Variants in ZNF530 observed in about 807,000 individuals in gnomAD.
ZNF530 encodes the protein zinc finger protein 530.
A neutral mutation model predicts 2.8 loss-of-function variants in ZNF530; 5 were observed. The ratio of observed to expected loss-of-function variants is 1.80; its 90% CI spans 0.94 to 3.78. The LOEUF (loss-of-function observed/expected upper bound fraction) is 3.78, where lower values mean the gene tolerates loss of function less well. Among genes scored for constraint, ZNF530 ranks in the 30% most tolerant of loss-of-function variants. The pLI is 0.00. For synonymous variants in ZNF530, 229 were observed against 235.0 expected (o/e 0.97, Z 0.23); for missense variants, 619 against 673.3 (o/e 0.92, Z 0.89).
At chr19:57,604,086 C>G (rs1287693957) in intron 2 of ZNF530, among the ~76,000 whole-genome samples, 191 bp from the exon 3 acceptor site, 1 of 152,100 alleles carries the variant, frequency 6.6e-6, no homozygotes, top group Non-Finnish European at 1.5e-5. Flanking sequence ...GTCCACCTGC[C>G]TGTTGTTGCT....
rs576148407 is a variant in ZNF530, at chr19:57,609,496, A to G, written c.*2171A>G. Among the ~76,000 whole-genome samples the G allele has an allele frequency of 6.6e-6, 1 of 152,314 alleles. No individual in the cohort carries two copies. Among genetic ancestry groups the G allele is most frequent in the East Asian group, 1.9e-4 (1 of 5,186 alleles). On this transcript the variant is annotated 3_prime_UTR_variant, in exon 4 of 4. Coordinates refer to ENST00000597700, the MANE Select transcript of ZNF530 (RefSeq NM_001321981.2). ...AAAAATTGTAAAAGTAAAAAGTAAA[A>G]GTAAAAGCTGGGTGTGGTGGCAGGC...
At chr19:57,610,268 A>G (rs1173898230), downstream of ZNF530, among the ~76,000 whole-genome samples, 2 of 152,100 alleles carry the variant, frequency 1.3e-5, no homozygotes, top group African/African-American at 4.8e-5. Context: ...ATTTTCTGGA[A>G]TTTTATTTTA....
chr19:57,611,821 G>A (rs1252703135), downstream of ZNF530, among the ~76,000 whole-genome samples: 11 of 152,058 alleles, frequency 7.2e-5, no homozygotes, highest in Non-Finnish European at 1.6e-4. Context: ...ATGATTGCCT[G>A]TCCTTGACTC....
At chr19:57,600,880 C>T (rs373689830) in intron 2 of ZNF530, 101 bp downstream of exon 2, 7 of 152,334 alleles carry the variant, frequency 4.6e-5, no homozygotes, top group Admixed American at 2.6e-4. Flanking sequence ...TTTTCCAGGC[C>T]TTGAGCCTAG....
At position 57,606,494 on chromosome 19, in the gene ZNF530, T is replaced by G. The variant is rs141182667; in HGVS notation, c.870T>G (p.Tyr290Ter). The change falls in exon 4 of 4, where the codon TAT becomes TAG. Residue 290 changes from tyrosine (Y) to a stop codon, truncating the protein, a stop_gained. Transcript: ENST00000597700. LOFTEE classifies it low-confidence loss of function (END_TRUNC). ...HQRVHTGERPYECSECGKSFS... is the reference protein window; with the variant it reads ...HQRVHTGERP ...GAGTTCACACTGGAGAAAGGCCTTA[T>G]GAGTGCAGTGAATGTGGGAAATCTT... 4 of 1,613,790 alleles carry G rather than the reference T, an allele frequency of 2.5e-6. No homozygotes were observed. In the African/African-American group the frequency reaches 4.0e-5, roughly 16 times the overall value.
At position 57,609,661 on chromosome 19, in the gene ZNF530, C is replaced by T. The variant is rs994827097; in HGVS notation, c.*2336C>T. Among the ~76,000 whole-genome samples the T allele has an allele frequency of 6.6e-6, 1 of 152,144 alleles. No individual in the cohort carries two copies. The highest frequency in any genetic ancestry group is 1.5e-5 in the Non-Finnish European group (1 of 68,032). On this transcript the variant is annotated 3_prime_UTR_variant, in exon 4 of 4. Transcript: ENST00000597700. The stretch of plus-strand genomic sequence containing the variant: ...AAAAAAAAAGTATCCACAAATGTTC[C>T]AGTGACTATGACTGCAAGATCACTG...
In ZNF530 at chr19:57,607,488, G is replaced by T; in HGVS notation, c.*163G>T. On this transcript the variant is annotated 3_prime_UTR_variant, in exon 4 of 4. Transcript: ENST00000597700. Reference sequence around the variant, plus strand: ...GCCTCCTGAGTACCTGAGATTACAGGCACCCACCACCATGCCCAGCTAATT... The same window carrying T: ...GCCTCCTGAGTACCTGAGATTACAGTCACCCACCACCATGCCCAGCTAATT... The T allele has an allele frequency of 1.5e-6, 1 of 685,426 alleles. No individual in the cohort carries two copies. The highest frequency in any genetic ancestry group is 2.4e-6 in the Non-Finnish European group (1 of 420,118). 42.5% of individuals were successfully genotyped at this position (685,426 alleles called of 1,614,324 possible).
In ZNF530 at chr19:57,606,507, T is replaced by G. The variant is rs760401085; in HGVS notation, c.883T>G (p.Cys295Gly). 1 of 1,614,124 alleles carries G rather than the reference T, an allele frequency of 6.2e-7. No homozygotes were observed. Among genetic ancestry groups the G allele is most frequent in the Non-Finnish European group, 8.5e-7 (1 of 1,180,032 alleles). The change falls in exon 4 of 4, where the codon TGT becomes GGT. Residue 295 changes from cysteine (C) to glycine (G), a missense_variant. Transcript: ENST00000597700. Reference protein sequence around the residue: ...TGERPYECSECGKSFSHSTNL... With the variant: ...TGERPYECSEGGKSFSHSTNL... ...AGAAAGGCCTTATGAGTGCAGTGAA[T>G]GTGGGAAATCTTTTAGCCACAGCAC...
rs1189727043 is a variant in ZNF530, at chr19:57,609,441, A to G, written c.*2116A>G. 6.6e-6 allele frequency among the ~76,000 whole-genome samples: 1 copy of G among 152,226 alleles called. No homozygotes were observed. Among genetic ancestry groups the G allele is most frequent in the Non-Finnish European group, 1.5e-5 (1 of 68,034 alleles). On this transcript the variant is annotated 3_prime_UTR_variant, in exon 4 of 4. Coordinates refer to ENST00000597700, the MANE Select transcript of ZNF530 (RefSeq NM_001321981.2). ...GGAGTTCGAGACCAGCCTGGTCAACATGGCGAAACCCTGTCTCTACTAAAA... is the reference window on the plus strand; with the variant it reads ...GGAGTTCGAGACCAGCCTGGTCAACGTGGCGAAACCCTGTCTCTACTAAAA...
At position 57,605,917 on chromosome 19, in the gene ZNF530, C is replaced by T; in HGVS notation, c.293C>T (p.Ser98Leu). 3 of 1,614,210 alleles carry T rather than the reference C, an allele frequency of 1.9e-6. No homozygotes were observed. Among genetic ancestry groups the T allele is most frequent in the Middle Eastern group, 1.6e-4 (1 of 6,062 alleles). Reference protein sequence around the residue: ...GGASRDFWMSSNLHQLQKLDN... With the variant: ...GGASRDFWMSLNLHQLQKLDN... ...GCATCAAGAGATTTCTGGATGAGTTCAAACCTTCACCAGCTCCAGAAGCTT... is the reference window on the plus strand; with the variant it reads ...GCATCAAGAGATTTCTGGATGAGTTTAAACCTTCACCAGCTCCAGAAGCTT... The change falls in exon 4 of 4, where the codon TCA becomes TTA. Residue 98 changes from serine to leucine, a missense_variant. Transcript: ENST00000597700.
chr19:57,605,396 T>C (rs1054596695), intron 3 of ZNF530: 40 of 307,890 alleles, frequency 1.3e-4, no homozygotes, highest in African/African-American at 8.1e-4. Flanking sequence ...TTCTGTGCAG[T>C]GTACCGAAGT....
Position 57,600,026 on chromosome 19 carries a change from T to A in ZNF530, c.-230T>A, listed in dbSNP as rs536902713. Reference sequence around the variant, plus strand: ...CAGCTGCACAGCCGGGGCCTGACGGTCGCCGGCGGTGGTGACAGCTTTGCT... The same window carrying A: ...CAGCTGCACAGCCGGGGCCTGACGGACGCCGGCGGTGGTGACAGCTTTGCT... On this transcript the variant is annotated 5_prime_UTR_variant, in exon 1 of 4. Coordinates refer to ENST00000597700, the MANE Select transcript of ZNF530 (RefSeq NM_001321981.2). 3.5e-6 allele frequency: 5 copies of A among 1,434,246 alleles called. No individual in the cohort carries two copies. 88.8% of individuals were successfully genotyped at this position (1,434,246 alleles called of 1,614,324 possible). A position where few individuals can be genotyped will look rare whatever the true frequency, so the allele number is the denominator to read the frequency against.
rs904154275 is a variant in ZNF530 at position 57,606,095 on chromosome 19, C to T, written c.471C>T (p.Pro157=). 3 of 1,614,228 alleles carry T rather than the reference C, an allele frequency of 1.9e-6. No homozygotes were observed. The highest frequency in any genetic ancestry group is 2.5e-6 in the Non-Finnish European group (3 of 1,180,042). The part of the protein sequence containing the change: ...TSGLLQHQVT[P]TIERPHSRIR... ...GACTTCTCCAGCATCAGGTGACTCC[C>T]ACCATTGAGAGACCACACAGCAGGA... The change falls in exon 4 of 4, where the codon CCC becomes CCT. Residue 157 remains proline, a synonymous_variant. Coordinates refer to ENST00000597700, the MANE Select transcript of ZNF530 (RefSeq NM_001321981.2).
chr19:57,604,716 C>G (rs1033049752), intron 3 of ZNF530: 1 of 208,148 alleles, frequency 4.8e-6, no homozygotes, highest in African/African-American at 2.3e-5. Flanking sequence ...CATGTTCTGC[C>G]TTTTGCTTCT....
Position 57,606,712 on chromosome 19 carries a change from A to G in ZNF530, c.1088A>G (p.His363Arg). ...TTTAGTTGCAATATCTACCTTATTC[A>G]CCACCAAAGATTTCACACTGGAGAA... ...KAFSCNIYLIHHQRFHTGERP... is the reference protein window; with the variant it reads ...KAFSCNIYLIRHQRFHTGERP... Residue 363 changes from histidine (H) to arginine (R), a missense_variant, in exon 4 of 4, where the codon CAC (histidine) becomes CGC (arginine). Coordinates refer to ENST00000597700, the MANE Select transcript of ZNF530 (RefSeq NM_001321981.2). 1.2e-6 allele frequency: 2 copies of G among 1,613,584 alleles called. 1 individual carries two copies. The highest frequency in any genetic ancestry group is 2.2e-5 in the South Asian group (2 of 91,036).
At chr19:57,604,559 G>T in intron 3 of ZNF530, 153 bp downstream of exon 3, 2 of 1,016,780 alleles carry the variant, frequency 2.0e-6, no homozygotes, top group South Asian at 3.2e-5. Context: ...CGCCAAGCAA[G>T]GCACTCTCAG....
chr19:57,603,768 A>G (rs1395086887), intron 2 of ZNF530, among the ~76,000 whole-genome samples: 1 of 152,208 alleles, frequency 6.6e-6, no homozygotes, highest in African/African-American at 2.4e-5. Flanking sequence ...AGGTCTGGGT[A>G]GTCCTGGAAC....
At position 57,607,687 on chromosome 19, in the gene ZNF530, C is replaced by T. The variant is rs573104636; in HGVS notation, c.*362C>T. The stretch of plus-strand genomic sequence containing the variant: ...CACAAGATTTCCCAAAGAAGAAAGG[C>T]CTTATATATGCTGTGAATGTGTTTT... On this transcript the variant is annotated 3_prime_UTR_variant, in exon 4 of 4. Coordinates refer to ENST00000597700, the MANE Select transcript of ZNF530 (RefSeq NM_001321981.2). The T allele has an allele frequency of 2.2e-5, 5 of 224,726 alleles. No homozygotes were observed. The East Asian group carries it at 5.3e-4, about 24-fold the overall frequency. 13.9% of individuals were successfully genotyped at this position (224,726 alleles called of 1,614,324 possible).
Position 57,607,536 on chromosome 19 carries a change from G to A in ZNF530, c.*211G>A. On this transcript the variant is annotated 3_prime_UTR_variant, in exon 4 of 4. Coordinates refer to ENST00000597700, the MANE Select transcript of ZNF530 (RefSeq NM_001321981.2). The stretch of plus-strand genomic sequence containing the variant: ...ATTTTTGTATTTTTAATAGAAACAA[G>A]GTTTCACCATGTTGGTCAGGCTGGT... 1.8e-6 allele frequency: 1 copy of A among 548,936 alleles called. No homozygotes were observed. Among genetic ancestry groups the A allele is most frequent in the African/African-American group, 1.9e-5 (1 of 53,132 alleles). The allele number at this position is 548,936 out of a possible 1,614,324, so 34.0% of individuals were successfully genotyped here. A position where few individuals can be genotyped will look rare whatever the true frequency, so the allele number is the denominator to read the frequency against.
Sources: gnomAD v4.1 joint callset for allele counts (sites outside exome capture counted in the v4.1 genomes callset) on GRCh38, gnomAD v4.1.1 for gene constraint, MANE v1.5 for transcripts, NCBI Gene and HGNC (gene_info 2026-07-23, HGNC 2026-07-21) for gene names.